DZIP3: variants seen among roughly 807,000 people sequenced by gnomAD.
DZIP3 encodes DAZ interacting zinc finger protein 3.
DZIP3 carries 118 observed loss-of-function variants against 162.0 expected under a neutral mutation model. The ratio of observed to expected loss-of-function variants is 0.73; its 90% CI spans 0.63 to 0.85. The LOEUF (loss-of-function observed/expected upper bound fraction) is 0.85, where lower values mean the gene tolerates loss of function less well. DZIP3 is among the 40% of genes least tolerant of loss of function. The pLI is 0.00. For synonymous variants in DZIP3, 438 were observed against 458.6 expected (o/e 0.96, Z 0.57); for missense variants, 1,331 against 1,407.0 (o/e 0.95, Z 0.86).
chr3:108,614,330 A>G (rs754966417), intron 4 of DZIP3, among the ~76,000 whole-genome samples: 4 of 152,204 alleles, frequency 2.6e-5, no homozygotes, highest in African/African-American at 2.4e-5. Flanking sequence ...TAATTCTGCT[A>G]CTTGGAGTAG....
intron 22 of DZIP3, 36 bp from the exon 23 acceptor site, chr3:108,672,524 G>T: frequency 6.5e-7 from 1 of 1,529,082 alleles, no homozygotes; most frequent in Non-Finnish European, 9.1e-7. Context: ...TCTGCTTGAT[G>T]TAATATTGCG....
intron 1 of DZIP3, among the ~76,000 whole-genome samples, chr3:108,599,999 AGATGT>A (rs1180949227): frequency 1.2e-4 from 18 of 152,214 alleles, no homozygotes; most frequent in Admixed American, 1.2e-3. Flanking sequence ...CTAATCTAGC[AGATGT>A]ACTCAGATCA....
intron 32 of DZIP3, among the ~76,000 whole-genome samples, chr3:108,692,755 A>C (rs1944743861): frequency 6.6e-6 from 1 of 152,126 alleles, no homozygotes; most frequent in Admixed American, 6.6e-5. Flanking sequence ...TTCCAAGTTT[A>C]CTAACAAGTT....
Position 108,629,184 on chromosome 3 carries a change from ATTAT to A in DZIP3, c.696+12_696+15del, listed in dbSNP as rs1941719438. On this transcript the variant is annotated intron_variant, in intron 8 of 32. Transcript: ENST00000361582. ...TTACCTACAACTTTTAAAGTAAGAA[ATTAT>A]TTAAGAGTAACATTTTATTTGTAAC... is the stretch of plus-strand genomic sequence containing the variant. 1 of 1,502,984 alleles carries A rather than the reference ATTAT, an allele frequency of 6.7e-7. No individual in the cohort carries two copies. Among genetic ancestry groups the A allele is most frequent in the Non-Finnish European group, 9.1e-7 (1 of 1,104,146 alleles). The allele number at this position is 1,502,984 out of a possible 1,614,324, so 93.1% of individuals were successfully genotyped here.
intron 22 of DZIP3, among the ~76,000 whole-genome samples, chr3:108,671,703 G>A (rs1417938625): frequency 6.6e-6 from 1 of 151,756 alleles, no homozygotes; most frequent in Non-Finnish European, 1.5e-5. Context: ...AAAGCTTATA[G>A]AAATTTTATG....
intron 1 of DZIP3, 103 bp from the exon 2 acceptor site, chr3:108,605,232 T>C: frequency 1.2e-6 from 1 of 811,462 alleles, no homozygotes; most frequent in Non-Finnish European, 2.0e-6. Flanking sequence ...TTTCTTCTTT[T>C]AGAGCAGTTT....
chr3:108,662,028 C>T, intron 20 of DZIP3, 56 bp downstream of exon 20: 1 of 1,583,722 alleles, frequency 6.3e-7, no homozygotes, highest in Non-Finnish European at 8.6e-7. Flanking sequence ...AAATATTAAA[C>T]TTACTGGTGC....
At chr3:108,625,082 A>G (rs1428250965) in intron 6 of DZIP3, among the ~76,000 whole-genome samples, 1 of 152,206 alleles carries the variant, frequency 6.6e-6, no homozygotes, top group Admixed American at 6.5e-5. Flanking sequence ...TAAATACTTT[A>G]ATGTAGTACT....
chr3:108,650,371 G>A (rs575925176), intron 17 of DZIP3, among the ~76,000 whole-genome samples: 1 of 151,774 alleles, frequency 6.6e-6, no homozygotes, highest in Admixed American at 6.6e-5. Context: ...TAAGCATAAG[G>A]ACAGACACTG....
At chr3:108,621,944 C>A (rs1298414154) in intron 5 of DZIP3, among the ~76,000 whole-genome samples, 1 of 151,720 alleles carries the variant, frequency 6.6e-6, no homozygotes, top group Non-Finnish European at 1.5e-5. Context: ...ACAAGATTCC[C>A]CCCAGCACTT....
At chr3:108,615,365 T>G (rs960796697) in intron 4 of DZIP3, among the ~76,000 whole-genome samples, 4 of 152,198 alleles carry the variant, frequency 2.6e-5, no homozygotes, top group Non-Finnish European at 5.9e-5. Flanking sequence ...ATTCAAGAGA[T>G]ATTGTTTGAG....
At chr3:108,648,172 C>T (rs1942712022) in intron 16 of DZIP3, 60 bp downstream of exon 16, 2 of 1,466,452 alleles carry the variant, frequency 1.4e-6, no homozygotes, top group African/African-American at 2.9e-5. Flanking sequence ...TAATTTGTTG[C>T]ATGTGCTGTA....
intron 1 of DZIP3, among the ~76,000 whole-genome samples, chr3:108,595,951 T>G (rs780601109): frequency 2.6e-5 from 4 of 152,192 alleles, no homozygotes; most frequent in Non-Finnish European, 4.4e-5. Flanking sequence ...TAGACAAAAA[T>G]TTCTGCCCAA....
rs187216446 is a variant in DZIP3, at chr3:108,632,880, A to G, written c.697-73A>G. On this transcript the variant is annotated intron_variant, in intron 8 of 32. Transcript: ENST00000361582. ...TATGGACATATTACCAAGGTAAAAC[A>G]TGGGTAGTCTTAATTGTGGTGTTAA... 32 of 894,702 alleles carry G rather than the reference A, an allele frequency of 3.6e-5. No homozygotes were observed. The Admixed American group carries it at 9.5e-4, about 27-fold the overall frequency. 55.4% of individuals were successfully genotyped at this position (894,702 alleles called of 1,614,324 possible). A position where few individuals can be genotyped will look rare whatever the true frequency, so the allele number is the denominator to read the frequency against.
intron 1 of DZIP3, among the ~76,000 whole-genome samples, chr3:108,591,097 G>GTTGA (rs1939385495): frequency 1.3e-5 from 2 of 152,300 alleles, no homozygotes; most frequent in Non-Finnish European, 1.5e-5. Context: ...CAACATTTGG[G>GTTGA]GAAATGCTTC....
intron 13 of DZIP3, among the ~76,000 whole-genome samples, chr3:108,642,928 G>T (rs190149808): frequency 6.6e-6 from 1 of 152,188 alleles, no homozygotes; most frequent in African/African-American, 2.4e-5. Context: ...TAAGCTGCCA[G>T]CTTCTTAGGA....
At chr3:108,663,646 A>C (rs769350290) in intron 21 of DZIP3, among the ~76,000 whole-genome samples, 1 of 152,156 alleles carries the variant, frequency 6.6e-6, no homozygotes, top group Non-Finnish European at 1.5e-5. Flanking sequence ...TATGTCATAT[A>C]ATATCAAAGA....
At chr3:108,595,726 G>A (rs529844995) in intron 1 of DZIP3, among the ~76,000 whole-genome samples, 2 of 152,262 alleles carry the variant, frequency 1.3e-5, no homozygotes, top group East Asian at 3.9e-4. Flanking sequence ...AGTAACCAGG[G>A]TTTAAGTAAT....
intron 13 of DZIP3, among the ~76,000 whole-genome samples, chr3:108,643,441 C>T (rs1273900713): frequency 6.6e-6 from 1 of 151,788 alleles, no homozygotes; most frequent in Non-Finnish European, 1.5e-5. Context: ...AAATATCCGG[C>T]AATTTTGTTA....
Sources: allele counts gnomAD v4.1 joint callset (sites outside exome capture counted in the v4.1 genomes callset), GRCh38; gene constraint gnomAD v4.1.1; transcripts MANE v1.5; gene names NCBI Gene and HGNC (gene_info 2026-07-23, HGNC 2026-07-21).